PALLD: variants seen among roughly 807,000 people sequenced by gnomAD.
PALLD encodes palladin.
Under a neutral mutation model 123.5 loss-of-function variants are expected in PALLD, and 61 were observed. The ratio of observed to expected loss-of-function variants is 0.49; its 90% CI spans 0.40 to 0.61. PALLD has a LOEUF of 0.61. Ranked by LOEUF, PALLD falls within the 20% of genes least tolerant of loss-of-function variation. The pLI is 0.00. For synonymous variants in PALLD, 465 were observed against 496.4 expected, an observed-to-expected ratio of 0.94 and a Z score of 0.84; for missense variants, 1,273 against 1,377.0, an observed-to-expected ratio of 0.92 and a Z score of 1.20.
chr4:168,601,137 G>T (rs1449636281), intron 2 of PALLD, among the ~76,000 whole-genome samples: 2 of 151,768 alleles, frequency 1.3e-5, no homozygotes, highest in Non-Finnish European at 2.9e-5. Context: ...TGTAACATAG[G>T]TCCAAAATTC....
At chr4:168,668,047 A>G (rs1322291083) in intron 2 of PALLD, 143 bp from the exon 3 acceptor site, 6 of 699,132 alleles carry the variant, frequency 8.6e-6, no homozygotes, top group East Asian at 2.7e-5. Flanking sequence ...TAGAGTTTCC[A>G]TTAGTAACAC....
intron 10 of PALLD, among the ~76,000 whole-genome samples, chr4:168,820,349 C>T (rs762061028): frequency 1.3e-4 from 20 of 152,250 alleles, no homozygotes; most frequent in African/African-American, 4.1e-4. Flanking sequence ...AAATAACTTC[C>T]CCAAAGCCTT....
At chr4:168,823,571 T>C (rs1743019685) in intron 10 of PALLD, among the ~76,000 whole-genome samples, 1 of 152,014 alleles carries the variant, frequency 6.6e-6, no homozygotes. Flanking sequence ...TCCCAGCTAC[T>C]CGGGAGGCTG....
At chr4:168,839,199 CCT>C (rs554573746) in intron 10 of PALLD, among the ~76,000 whole-genome samples, 30 of 152,244 alleles carry the variant, frequency 2.0e-4, no homozygotes, top group Admixed American at 3.9e-4. Context: ...AGTGATCTGA[CCT>C]CTCAGCCTCC....
intron 10 of PALLD, among the ~76,000 whole-genome samples, chr4:168,806,005 T>C (rs571042496): frequency 4.7e-4 from 71 of 152,262 alleles, no homozygotes; most frequent in African/African-American, 1.6e-3. Flanking sequence ...GGGCGGACGT[T>C]CCCTTTGCTA....
At chr4:168,675,551 C>T (rs567526535) in intron 3 of PALLD, among the ~76,000 whole-genome samples, 6 of 152,226 alleles carry the variant, frequency 3.9e-5, no homozygotes, top group Non-Finnish European at 5.9e-5. Flanking sequence ...GGCCATTCTT[C>T]GTGTTATCTA....
intron 2 of PALLD, among the ~76,000 whole-genome samples, chr4:168,642,371 A>G (rs1344299042): frequency 6.6e-6 from 1 of 151,898 alleles, no homozygotes; most frequent in Admixed American, 6.6e-5. Flanking sequence ...CAAGTGCAGG[A>G]ATCTTCTTTT....
chr4:168,580,652 T>C (rs1347742084), intron 2 of PALLD, among the ~76,000 whole-genome samples: 1 of 152,120 alleles, frequency 6.6e-6, no homozygotes, highest in Non-Finnish European at 1.5e-5. Context: ...TAAATCATTC[T>C]ACTATAAAGA....
rs1197780048 is a variant in PALLD at position 168,813,858 on chromosome 4, TA to T, written c.1965-77063del. On this transcript the variant is annotated intron_variant, in intron 10 of 21. Transcript: ENST00000505667. ...ATCATTCATGAAGCTTTGGAAAGGC[TA>T]TTATAACCAAATAATGTGTGCATAA... 8.1e-3 allele frequency among the ~76,000 whole-genome samples: 292 copies of T among 36,190 alleles called. 1 individual carries two copies. The highest frequency in any genetic ancestry group is 0.043 in the Middle Eastern group (3 of 70). The allele number at this position is 36,190 out of a possible 152,430, so 23.7% of individuals were successfully genotyped here.
At chr4:168,672,400 C>A (rs1172328328) in intron 3 of PALLD, among the ~76,000 whole-genome samples, 1 of 152,070 alleles carries the variant, frequency 6.6e-6, no homozygotes, top group Admixed American at 6.5e-5. Flanking sequence ...CCCATTCCCC[C>A]CTTCTCCTTC....
chr4:168,712,239 T>A (rs2150215422), intron 10 of PALLD: 1 of 459,984 alleles, frequency 2.2e-6, no homozygotes, highest in Non-Finnish European at 4.0e-6. Flanking sequence ...AAAAGGGGGA[T>A]CTACTTTCAG....
At chr4:168,762,799 C>T (rs1347405135) in intron 10 of PALLD, among the ~76,000 whole-genome samples, 1 of 152,158 alleles carries the variant, frequency 6.6e-6, no homozygotes, top group Non-Finnish European at 1.5e-5. Context: ...TGATAGACTA[C>T]ATAAAGAAAA....
At chr4:168,697,076 A>G (rs781430775) in intron 8 of PALLD, among the ~76,000 whole-genome samples, 1 of 152,190 alleles carries the variant, frequency 6.6e-6, no homozygotes, top group Non-Finnish European at 1.5e-5. Context: ...ACATCAGGTT[A>G]TATATACAAA....
chr4:168,888,472 TATC>T (rs1157643600), intron 10 of PALLD, among the ~76,000 whole-genome samples: 1 of 152,230 alleles, frequency 6.6e-6, no homozygotes, highest in Admixed American at 6.5e-5. Flanking sequence ...CTTTTCAGTC[TATC>T]ATCATTGGCA....
chr4:168,658,889 A>G (rs1226724040), intron 2 of PALLD, among the ~76,000 whole-genome samples: 1 of 152,214 alleles, frequency 6.6e-6, no homozygotes. Context: ...CCATAAGGTT[A>G]AAGTACATCT....
chr4:168,621,992 C>G (rs2149798471), intron 2 of PALLD, among the ~76,000 whole-genome samples: 1 of 152,250 alleles, frequency 6.6e-6, no homozygotes, highest in Admixed American at 6.5e-5. Flanking sequence ...AAGTGGAAGC[C>G]AAGCTTTCAT....
At chr4:168,546,841 A>G (rs932304656) in intron 2 of PALLD, among the ~76,000 whole-genome samples, 2 of 152,196 alleles carry the variant, frequency 1.3e-5, no homozygotes, top group African/African-American at 4.8e-5. Context: ...TATGGATACT[A>G]TAAAGCAGCC....
intron 10 of PALLD, among the ~76,000 whole-genome samples, chr4:168,879,505 G>C (rs1349622847): frequency 6.6e-6 from 1 of 152,168 alleles, no homozygotes; most frequent in Non-Finnish European, 1.5e-5. Flanking sequence ...CTACTAAACA[G>C]TAAAAAGGAG....
rs1762818128 is a variant in PALLD at position 168,928,339 on chromosome 4, A to C, written c.*2159A>C. ...ATATTGTATTTATAAAAAAAAAAGT[A>C]CTATCAATCAATCATACTACTTTGG... is the stretch of plus-strand genomic sequence containing the variant. On this transcript the variant is annotated 3_prime_UTR_variant, in exon 22 of 22. Transcript: ENST00000505667. 1 of 176,332 alleles carries C rather than the reference A, an allele frequency of 5.7e-6. No homozygotes were observed. Among genetic ancestry groups the C allele is most frequent in the African/African-American group, 2.6e-5 (1 of 38,274 alleles). 10.9% of individuals were successfully genotyped at this position (176,332 alleles called of 1,614,324 possible).
Sources: allele counts gnomAD v4.1 joint callset (sites outside exome capture counted in the v4.1 genomes callset), GRCh38; gene constraint gnomAD v4.1.1; transcripts MANE v1.5; gene names NCBI Gene and HGNC (gene_info 2026-07-23, HGNC 2026-07-21).